MSH4: variants seen among roughly 807,000 people sequenced by gnomAD.
MSH4 encodes mutS protein homolog 4.
MSH4 carries 106 observed loss-of-function variants against 113.7 expected under a neutral mutation model. That is an observed-to-expected ratio of 0.93 (90% CI 0.80 to 1.10). The LOEUF is 1.10. Among genes scored for constraint, MSH4 ranks in the 50% least tolerant of loss-of-function variants. MSH4 has a pLI of 0.00. For synonymous variants in MSH4, 368 were observed against 380.2 expected (o/e 0.97, Z 0.37); for missense variants, 1,061 against 1,093.7 (o/e 0.97, Z 0.42).
chr1:75,853,523 T>C (rs74090776), intron 8 of MSH4, among the ~76,000 whole-genome samples: 1,976 of 152,268 alleles, frequency 0.013, 44 homozygotes, highest in African/African-American at 0.045. Flanking sequence ...TGGTGTAAAA[T>C]TGCTGCACAA....
At chr1:75,892,233 AC>A (rs1652271396) in intron 17 of MSH4, among the ~76,000 whole-genome samples, 1 of 152,140 alleles carries the variant, frequency 6.6e-6, no homozygotes, top group African/African-American at 2.4e-5. Context: ...TGGGTCTGGA[AC>A]CTGCCAGCTT....
chr1:75,843,203 T>A (rs1173998935), intron 7 of MSH4, among the ~76,000 whole-genome samples: 1 of 152,186 alleles, frequency 6.6e-6, no homozygotes, highest in Non-Finnish European at 1.5e-5. Context: ...CCCCTTTTGC[T>A]TTGTATCCAA....
At chr1:75,874,767 G>A (rs559994324) in intron 9 of MSH4, among the ~76,000 whole-genome samples, 3 of 152,064 alleles carry the variant, frequency 2.0e-5, no homozygotes, top group Non-Finnish European at 4.4e-5. Context: ...GATAAAACAA[G>A]GTGGTGACTT....
At chr1:75,825,657 A>T (rs1053963301) in intron 7 of MSH4, among the ~76,000 whole-genome samples, 1 of 152,132 alleles carries the variant, frequency 6.6e-6, no homozygotes, top group African/African-American at 2.4e-5. Flanking sequence ...TAGTTTATTG[A>T]CAGTTTTTTA....
chr1:75,810,903 ACT>A, intron 4 of MSH4, 96 bp downstream of exon 4: 2 of 568,280 alleles, frequency 3.5e-6, no homozygotes, highest in Non-Finnish European at 5.6e-6. Flanking sequence ...ACAGAGTTTC[ACT>A]CTGTCACCCA....
At chr1:75,810,253 C>T (rs1017182858) in intron 3 of MSH4, among the ~76,000 whole-genome samples, 2 of 142,184 alleles carry the variant, frequency 1.4e-5, no homozygotes, top group African/African-American at 5.1e-5. Flanking sequence ...GTTTTTGAGA[C>T]AGATTTTCCC....
intron 9 of MSH4, among the ~76,000 whole-genome samples, chr1:75,869,126 G>T (rs1316126255): frequency 2.0e-5 from 3 of 152,162 alleles, no homozygotes; most frequent in African/African-American, 7.2e-5. Context: ...GGGATAGTAA[G>T]GTCCAGGCTG....
At chr1:75,837,653 G>T (rs777254785) in intron 7 of MSH4, among the ~76,000 whole-genome samples, 1 of 152,124 alleles carries the variant, frequency 6.6e-6, no homozygotes, top group Non-Finnish European at 1.5e-5. Flanking sequence ...CTCCCAATGT[G>T]CTGGGATTAC....
intron 15 of MSH4, among the ~76,000 whole-genome samples, chr1:75,886,973 A>T (rs1652138871): frequency 6.6e-6 from 1 of 151,624 alleles, no homozygotes; most frequent in Admixed American, 6.6e-5. Context: ...ACCCTAACAC[A>T]TAGAAGGGCT....
intron 19 of MSH4, among the ~76,000 whole-genome samples, chr1:75,902,754 G>T (rs1160878885): frequency 1.1e-4 from 11 of 95,916 alleles, no homozygotes; most frequent in African/African-American, 4.3e-4. Context: ...AGTTCTTTGA[G>T]AAATCTCCGT....
chr1:75,899,578 G>A (rs780378055), intron 18 of MSH4, 40 bp from the exon 19 acceptor site: 4 of 1,194,356 alleles, frequency 3.3e-6, no homozygotes, highest in Non-Finnish European at 4.6e-6. Flanking sequence ...AATGCCAGCA[G>A]TAACAATATT....
intron 9 of MSH4, among the ~76,000 whole-genome samples, chr1:75,869,297 G>A (rs1356984868): frequency 1.3e-5 from 2 of 152,160 alleles, no homozygotes; most frequent in Non-Finnish European, 2.9e-5. Context: ...AAGCAGTGAA[G>A]CATTCAAGAG....
At chr1:75,872,502 C>T (rs1407882083) in intron 9 of MSH4, among the ~76,000 whole-genome samples, 1 of 152,158 alleles carries the variant, frequency 6.6e-6, no homozygotes, top group Non-Finnish European at 1.5e-5. Flanking sequence ...GTTAGAATGA[C>T]TGCCAGATAT....
chr1:75,799,359 GATA>G (rs1301788799), intron 1 of MSH4, among the ~76,000 whole-genome samples: 7 of 152,134 alleles, frequency 4.6e-5, no homozygotes, highest in African/African-American at 1.7e-4. Flanking sequence ...AGCAGCTGGG[GATA>G]ATAATCTGTG....
chr1:75,819,467 G>A (rs570509924), intron 6 of MSH4, among the ~76,000 whole-genome samples: 91 of 152,262 alleles, frequency 6.0e-4, no homozygotes, highest in African/African-American at 2.1e-3. Flanking sequence ...TCCAGCCTGC[G>A]CAACAGAGCA....
chr1:75,826,995 C>G (rs1430448778), intron 7 of MSH4, among the ~76,000 whole-genome samples: 1 of 152,070 alleles, frequency 6.6e-6, no homozygotes, highest in Non-Finnish European at 1.5e-5. Flanking sequence ...GAGCTGGGTT[C>G]AAGTCTTGAA....
At chr1:75,798,285 TCTCTTAAA>T (rs1649862814) in intron 1 of MSH4, among the ~76,000 whole-genome samples, 1 of 152,146 alleles carries the variant, frequency 6.6e-6, no homozygotes, top group Admixed American at 6.5e-5. Flanking sequence ...TGACTGGTCT[TCTCTTAAA>T]CTCTTTTAAT....
At chr1:75,844,110 T>C (rs1013110402) in intron 7 of MSH4, among the ~76,000 whole-genome samples, 23 of 151,754 alleles carry the variant, frequency 1.5e-4, no homozygotes, top group African/African-American at 5.6e-4. Flanking sequence ...CACGCCCGGC[T>C]CTTATTTTGT....
chr1:75,815,213 A>G, intron 5 of MSH4, 77 bp downstream of exon 5: 1 of 773,584 alleles, frequency 1.3e-6, no homozygotes, highest in Non-Finnish European at 2.0e-6. Flanking sequence ...AACTTAAGGA[A>G]AGTAAATAAA....
Sources: allele counts gnomAD v4.1 joint callset (sites outside exome capture counted in the v4.1 genomes callset), GRCh38; gene constraint gnomAD v4.1.1; transcripts MANE v1.5; gene names NCBI Gene and HGNC (gene_info 2026-07-23, HGNC 2026-07-21).